The following CNTNAP2 variants were observed in gnomAD, a reference collection of about 807,000 sequenced individuals.
CNTNAP2 encodes the protein contactin-associated protein-like 2.
In CNTNAP2, 98 loss-of-function variants were observed where a neutral mutation model predicts 155.2. The observed-to-expected ratio is 0.63, with a 90% CI of 0.54 to 0.75. The LOEUF (loss-of-function observed/expected upper bound fraction) is 0.75. Among genes scored for constraint, CNTNAP2 ranks in the 30% least tolerant of loss-of-function variants. The pLI, the probability that CNTNAP2 is intolerant of heterozygous loss-of-function variation, is 0.00. For synonymous variants in CNTNAP2, 651 were observed against 631.2 expected (o/e 1.03, Z -0.47); for missense variants, 1,727 against 1,688.1 (o/e 1.02, Z -0.40).
At chr7:146,918,155 G>A (rs980819635) in intron 3 of CNTNAP2, among the ~76,000 whole-genome samples, 1 of 152,122 alleles carries the variant, frequency 6.6e-6, no homozygotes, top group Non-Finnish European at 1.5e-5. Flanking sequence ...TCTTTAAAGT[G>A]GAGCATTTAG....
rs1799968810 is a variant in CNTNAP2 at position 148,415,640 on chromosome 7, T to TAGGG, written c.*28_*31dup. On this transcript the variant is annotated 3_prime_UTR_variant, in exon 24 of 24. Coordinates refer to ENST00000361727, the MANE Select transcript of CNTNAP2 (RefSeq NM_014141.6). ...GAGGGGTGGCTACTTGGCTATGGGA[T>TAGGG]AGGGAGGAGGGAATTACTAGGGAGG... 6.2e-7 allele frequency: 1 copy of TAGGG among 1,612,086 alleles called. No individual in the cohort carries two copies. Among genetic ancestry groups the TAGGG allele is most frequent in the African/African-American group, 1.3e-5 (1 of 74,698 alleles).
Position 147,508,807 on chromosome 7 carries a change from C to A in CNTNAP2, c.1777+22766C>A, listed in dbSNP as rs531044651. Among the ~76,000 whole-genome samples, 7 of 152,276 alleles carry A rather than the reference C, an allele frequency of 4.6e-5. No homozygotes were observed. In the South Asian group the frequency reaches 8.3e-4, roughly 18 times the overall value. On this transcript the variant is annotated intron_variant, in intron 11 of 23. Transcript: ENST00000361727. ...TTGCCTGACACTATGTAAGACATGC[C>A]TATGACTCCTTCGCCTTCTGCCATG...
intron 2 of CNTNAP2, among the ~76,000 whole-genome samples, chr7:146,823,716 A>G (rs1231054246): frequency 6.6e-6 from 1 of 151,886 alleles, no homozygotes; most frequent in Non-Finnish European, 1.5e-5. Flanking sequence ...ATTCTTCAGT[A>G]TATTTAAATA....
chr7:147,358,360 G>C (rs931755978), intron 9 of CNTNAP2, among the ~76,000 whole-genome samples: 16 of 151,988 alleles, frequency 1.1e-4, no homozygotes, highest in African/African-American at 3.4e-4. Flanking sequence ...ATATCATATG[G>C]TAATTATATT....
At chr7:148,306,302 T>A (rs1429652860) in intron 21 of CNTNAP2, among the ~76,000 whole-genome samples, 1 of 152,184 alleles carries the variant, frequency 6.6e-6, no homozygotes, top group East Asian at 1.9e-4. Flanking sequence ...TGGGTCTATT[T>A]TGACTCTTTC....
chr7:146,723,062 TCC>T (rs1204326840), intron 1 of CNTNAP2, among the ~76,000 whole-genome samples: 1 of 152,080 alleles, frequency 6.6e-6, no homozygotes, highest in African/African-American at 2.4e-5. Context: ...TAAACCCTAC[TCC>T]CTGTGAATGT....
chr7:147,368,173 A>G (rs1796277039), intron 9 of CNTNAP2, among the ~76,000 whole-genome samples: 1 of 149,770 alleles, frequency 6.7e-6, no homozygotes, highest in Middle Eastern at 3.4e-3. Flanking sequence ...CAGAATCCCT[A>G]ACAGATTTTA....
chr7:148,075,890 A>C (rs1413661311), intron 15 of CNTNAP2, among the ~76,000 whole-genome samples: 1 of 152,140 alleles, frequency 6.6e-6, no homozygotes, highest in Non-Finnish European at 1.5e-5. Flanking sequence ...GGTGCCAAAA[A>C]TTTCTAATCA....
intron 13 of CNTNAP2, among the ~76,000 whole-genome samples, chr7:147,836,461 C>T (rs553926824): frequency 2.0e-5 from 3 of 152,100 alleles, no homozygotes; most frequent in Admixed American, 6.6e-5. Context: ...CCTCCCCCAC[C>T]ATGCACCACC....
At chr7:147,924,138 CTTTTCTT>C (rs1179657509) in intron 14 of CNTNAP2, among the ~76,000 whole-genome samples, 7 of 41,198 alleles carry the variant, frequency 1.7e-4, no homozygotes, top group African/African-American at 1.2e-3. Context: ...CTTTTCTTTT[CTTTTCTT>C]TTTTTTTTTT....
chr7:148,118,211 A>G lies in CNTNAP2; in HGVS notation c.2477A>G (p.Tyr826Cys), dbSNP rs751625088. The change falls in exon 16 of 24, where the codon TAC becomes TGC. Residue 826 changes from tyrosine to cysteine, a missense_variant. Tyr to Cys is a radical substitution (Grantham distance 194). Coordinates refer to ENST00000361727, the MANE Select transcript of CNTNAP2 (RefSeq NM_014141.6). ...GAAACTAGCGCTGACATTTCTTTCT[A>G]CTTCAAAACATTAACCCCCTGGGGA... ...QGETSADISF[Y>C]FKTLTPWGVF... is the part of the protein sequence containing the mutation. 1.2e-6 allele frequency: 2 copies of G among 1,614,014 alleles called. No homozygotes were observed. Among genetic ancestry groups the G allele is most frequent in the African/African-American group, 1.3e-5 (1 of 74,908 alleles).
At chr7:146,938,172 A>G (rs567764993) in intron 3 of CNTNAP2, among the ~76,000 whole-genome samples, 3 of 152,188 alleles carry the variant, frequency 2.0e-5, no homozygotes, top group Admixed American at 2.0e-4. Context: ...GAGCAAGAAC[A>G]ATGAAGAAGA....
chr7:148,214,494 T>A (rs1795603369), intron 18 of CNTNAP2, among the ~76,000 whole-genome samples: 3 of 152,234 alleles, frequency 2.0e-5, no homozygotes, highest in African/African-American at 7.2e-5. Flanking sequence ...TGAGCATGGA[T>A]TAAGTAGCTG....
At chr7:147,727,256 T>C (rs761779869) in intron 13 of CNTNAP2, among the ~76,000 whole-genome samples, 1 of 151,938 alleles carries the variant, frequency 6.6e-6, no homozygotes, top group Non-Finnish European at 1.5e-5. Flanking sequence ...TAGTAGGTAT[T>C]ACATAAATGT....
At chr7:147,441,505 G>A (rs781531967) in intron 10 of CNTNAP2, among the ~76,000 whole-genome samples, 4 of 152,030 alleles carry the variant, frequency 2.6e-5, no homozygotes, top group Non-Finnish European at 5.9e-5. Context: ...TTTCTGGATT[G>A]TCTTGATACC....
At chr7:147,615,761 T>A (rs1801277795) in intron 12 of CNTNAP2, among the ~76,000 whole-genome samples, 1 of 152,122 alleles carries the variant, frequency 6.6e-6, no homozygotes, top group Admixed American at 6.6e-5. Flanking sequence ...TTCTTTCACA[T>A]CAGACCATGG....
chr7:147,099,991 G>A lies in CNTNAP2; in HGVS notation c.551-8156G>A, dbSNP rs80325050. On this transcript the variant is annotated intron_variant, in intron 4 of 23. Transcript: ENST00000361727. ...GATTATATGCTAATTTTCAGAAATT[G>A]TTATTATTTCTGCATTATTGGATAT... Among the ~76,000 whole-genome samples the A allele has an allele frequency of 1.8e-4, 27 of 152,254 alleles. No homozygotes were observed. The East Asian group carries it at 4.8e-3, about 27-fold the overall frequency.
In CNTNAP2 at chr7:147,485,979, C is replaced by T; in HGVS notation, c.1715C>T (p.Thr572Ile). 6 of 1,614,074 alleles carry T rather than the reference C, an allele frequency of 3.7e-6. No individual in the cohort carries two copies. The highest frequency in any genetic ancestry group is 5.1e-6 in the Non-Finnish European group (6 of 1,179,976). The change falls in exon 11 of 24, where the codon ACA becomes ATA. Residue 572 changes from threonine to isoleucine, a missense_variant. Thr to Ile is a moderately conservative substitution (Grantham distance 89). Coordinates refer to ENST00000361727, the MANE Select transcript of CNTNAP2 (RefSeq NM_014141.6). ...HCEHGGKCSQ[T>I]WDSFKCTCDE... is the part of the protein sequence containing the mutation. ...GAGCATGGTGGAAAGTGCTCGCAAACATGGGACAGCTTCAAATGCACTTGT... is the reference window on the plus strand; with the variant it reads ...GAGCATGGTGGAAAGTGCTCGCAAATATGGGACAGCTTCAAATGCACTTGT...
At chr7:146,402,260 G>A (rs137922106) in intron 1 of CNTNAP2, among the ~76,000 whole-genome samples, 7 of 152,204 alleles carry the variant, frequency 4.6e-5, no homozygotes, top group East Asian at 1.9e-4. Context: ...CACCATCAAC[G>A]TGTGAATTCT....
Sources: gnomAD v4.1 joint callset for allele counts (sites outside exome capture counted in the v4.1 genomes callset) on GRCh38, gnomAD v4.1.1 for gene constraint, MANE v1.5 for transcripts, NCBI Gene and HGNC (gene_info 2026-07-23, HGNC 2026-07-21) for gene names.